The following SLC35A5 variants were observed in gnomAD, a reference collection of about 807,000 sequenced individuals.
The protein encoded by SLC35A5 is solute carrier family 35 member A5.
SLC35A5 carries 28 observed loss-of-function variants against 36.3 expected under a neutral mutation model. The observed-to-expected ratio is 0.77, with a 90% confidence interval of 0.57 to 1.06. SLC35A5 has a LOEUF of 1.06. SLC35A5 is among the 50% of genes least tolerant of loss of function. SLC35A5 has a pLI of 0.00. For synonymous variants in SLC35A5, 180 were observed against 173.7 expected, an observed-to-expected ratio of 1.04 and a Z score of -0.29; for missense variants, 521 against 499.3, an observed-to-expected ratio of 1.04 and a Z score of -0.41.
intron 5 of SLC35A5, among the ~76,000 whole-genome samples, chr3:112,574,209 G>C (rs912705419): frequency 1.8e-4 from 28 of 152,166 alleles, no homozygotes; most frequent in Admixed American, 1.8e-3. Flanking sequence ...GTTATAATTA[G>C]TATTTTCATA....
intron 4 of SLC35A5, among the ~76,000 whole-genome samples, chr3:112,573,194 T>TA (rs1328212527): frequency 1.3e-5 from 2 of 152,166 alleles, no homozygotes; most frequent in Non-Finnish European, 2.9e-5. Flanking sequence ...AGATTTGCAT[T>TA]AAAAAATTAT....
chr3:112,584,153 C>T lies in SLC35A5; in HGVS notation c.*1417C>T, dbSNP rs1018297596. On this transcript the variant is annotated 3_prime_UTR_variant, in exon 7 of 7. Transcript: ENST00000492406. The stretch of plus-strand genomic sequence containing the variant: ...ATTTGTAATTAAAATAATTATTAAA[C>T]CTATGTCTTGTGTTGCCACTCTGTC... The T allele has an allele frequency of 1.3e-5, 2 of 152,070 alleles. No homozygotes were observed. The highest frequency in any genetic ancestry group is 2.9e-5 in the Non-Finnish European group (2 of 67,982). The allele number at this position is 152,070 out of a possible 1,614,324, so 9.4% of individuals were successfully genotyped here.
At chr3:112,561,775 T>C, upstream of SLC35A5, 2 of 498,602 alleles carry the variant, frequency 4.0e-6, no homozygotes, top group Non-Finnish European at 7.0e-6. Context: ...CGGACCCAGC[T>C]GTCACCCAGC....
chr3:112,583,313 A>AAATATTT lies in SLC35A5; in HGVS notation c.*577_*578insAATATTT, dbSNP rs1225189107. On this transcript the variant is annotated 3_prime_UTR_variant, in exon 7 of 7. Coordinates refer to ENST00000492406, the MANE Select transcript of SLC35A5 (RefSeq NM_017945.5). ...GTGCTAAATATTTTGCTGAAGAAGC[A>AAATATTT]GTTTCTCAGACACAACATCTCAGAA... 2 of 394,286 alleles carry AAATATTT rather than the reference A, an allele frequency of 5.1e-6. No individual in the cohort carries two copies. The highest frequency in any genetic ancestry group is 8.9e-6 in the Non-Finnish European group (2 of 223,518). 24.4% of individuals were successfully genotyped at this position (394,286 alleles called of 1,614,324 possible). A position where few individuals can be genotyped will look rare whatever the true frequency, so the allele number is the denominator to read the frequency against.
At chr3:112,569,895 A>G (rs1178581410) in intron 3 of SLC35A5, among the ~76,000 whole-genome samples, 1 of 152,214 alleles carries the variant, frequency 6.6e-6, no homozygotes, top group Non-Finnish European at 1.5e-5. Flanking sequence ...ACTTTAGAGC[A>G]TTGAAGTGTT....
rs1935113520 is a variant in SLC35A5 at position 112,585,491 on chromosome 3, A to G, written c.*2755A>G. 6.6e-6 allele frequency: 1 copy of G among 152,126 alleles called. No individual in the cohort carries two copies. The highest frequency in any genetic ancestry group is 1.5e-5 in the Non-Finnish European group (1 of 68,020). 9.4% of individuals were successfully genotyped at this position (152,126 alleles called of 1,614,324 possible). On this transcript the variant is annotated 3_prime_UTR_variant, in exon 7 of 7. Coordinates refer to ENST00000492406, the MANE Select transcript of SLC35A5 (RefSeq NM_017945.5). ...TGGGTCCACTAGAAGCCCAAACTTC[A>G]CCATTATGCAATGTACCATATATAC...
At chr3:112,567,094 C>T (rs1318395416) in intron 2 of SLC35A5, among the ~76,000 whole-genome samples, 1 of 151,752 alleles carries the variant, frequency 6.6e-6, no homozygotes, top group Non-Finnish European at 1.5e-5. Context: ...GGCGTGGTGG[C>T]GGGCACCTGT....
chr3:112,563,338 T>G (rs1023546099), intron 1 of SLC35A5, 47 bp from the exon 2 acceptor site: 2 of 1,396,234 alleles, frequency 1.4e-6, no homozygotes, highest in Non-Finnish European at 1.9e-6. Flanking sequence ...TATTTGCGTT[T>G]AGGGTCTGCC....
At chr3:112,569,621 G>A (rs1181992607) in intron 3 of SLC35A5, among the ~76,000 whole-genome samples, 20 of 152,114 alleles carry the variant, frequency 1.3e-4, no homozygotes, top group Admixed American at 1.3e-3. Context: ...TTTCAAAATA[G>A]TTCCCATTTC....
At chr3:112,561,676 G>A (rs1933892864), upstream of SLC35A5, 2 of 762,720 alleles carry the variant, frequency 2.6e-6, no homozygotes, top group Admixed American at 3.0e-5. Flanking sequence ...CGACGCGACG[G>A]GACGGGCGGG....
chr3:112,576,802 T>A (rs1246671940), intron 5 of SLC35A5, among the ~76,000 whole-genome samples: 2 of 152,230 alleles, frequency 1.3e-5, no homozygotes, highest in African/African-American at 4.8e-5. Context: ...AACTTAACTT[T>A]GTTCTATTTT....
rs1192701412 is a variant in SLC35A5, at chr3:112,581,215, CCTT to C, written c.1101_1103del (p.Leu368del). On this transcript the variant is annotated inframe_deletion, in exon 6 of 7. Coordinates refer to ENST00000492406, the MANE Select transcript of SLC35A5 (RefSeq NM_017945.5). ...AATTTTTCTTGGAAGCCCCATCAGT[CCTT>C]CTCTCTATATTTATTTATAATGCCA... 13 of 1,611,204 alleles carry C rather than the reference CCTT, an allele frequency of 8.1e-6. No homozygotes were observed. In the Admixed American group the frequency reaches 1.3e-4, roughly 17 times the overall value.
chr3:112,568,102 A>C (rs1338725319), intron 2 of SLC35A5, among the ~76,000 whole-genome samples: 1 of 152,224 alleles, frequency 6.6e-6, no homozygotes, highest in Non-Finnish European at 1.5e-5. Flanking sequence ...TCTTGTAAGG[A>C]TCTTCCATTC....
At chr3:112,563,279 C>G in intron 1 of SLC35A5, 106 bp from the exon 2 acceptor site, 1 of 1,030,582 alleles carries the variant, frequency 9.7e-7, no homozygotes, top group African/African-American at 1.6e-5. Context: ...CTGATATAGT[C>G]ATAGCCAAAA....
intron 2 of SLC35A5, among the ~76,000 whole-genome samples, chr3:112,565,531 A>C (rs767323488): frequency 2.0e-5 from 3 of 152,328 alleles, no homozygotes; most frequent in African/African-American, 7.2e-5. Flanking sequence ...TAATCCCAGC[A>C]CTTTAGGAGG....
At chr3:112,570,695 A>C in intron 4 of SLC35A5, 25 bp downstream of exon 4, 1 of 1,527,486 alleles carries the variant, frequency 6.5e-7, no homozygotes, top group African/African-American at 1.4e-5. Flanking sequence ...AAAAGAAAAT[A>C]CCATTGAAAA....
At chr3:112,568,830 T>C (rs1934310098) in intron 2 of SLC35A5, among the ~76,000 whole-genome samples, 1 of 152,138 alleles carries the variant, frequency 6.6e-6, no homozygotes, top group Non-Finnish European at 1.5e-5. Flanking sequence ...GTTGCATGAG[T>C]CGGTGTTGAT....
intron 4 of SLC35A5, among the ~76,000 whole-genome samples, chr3:112,572,420 T>C (rs1388204840): frequency 6.6e-6 from 1 of 152,204 alleles, no homozygotes; most frequent in Non-Finnish European, 1.5e-5. Flanking sequence ...TGCTAATAAG[T>C]GTCCAGTCCA....
intron 2 of SLC35A5, among the ~76,000 whole-genome samples, chr3:112,564,772 C>T (rs930277043): frequency 3.9e-5 from 6 of 152,144 alleles, no homozygotes; most frequent in Admixed American, 1.3e-4. Flanking sequence ...TGTGTCCCTG[C>T]GTACTTGAGA....
Sources: gnomAD v4.1 joint callset for allele counts (sites outside exome capture counted in the v4.1 genomes callset) on GRCh38, gnomAD v4.1.1 for gene constraint, MANE v1.5 for transcripts, NCBI Gene and HGNC (gene_info 2026-07-23, HGNC 2026-07-21) for gene names.